ACER1: variants seen among roughly 807,000 people sequenced by gnomAD.
ACER1 encodes CTB-180A7.3.
Under a neutral mutation model 24.9 loss-of-function variants are expected in ACER1, and 28 were observed. That is an observed-to-expected ratio of 1.13 (90% CI 0.83 to 1.54). The LOEUF is 1.54. Among genes scored for constraint, ACER1 ranks in the 40% most tolerant of loss-of-function variants. ACER1 has a pLI of 0.00. For synonymous variants in ACER1, 132 were observed against 131.4 expected, an observed-to-expected ratio of 1.00 and a Z score of -0.03; for missense variants, 352 against 349.3, an observed-to-expected ratio of 1.01 and a Z score of -0.06.
chr19:6,349,442 G>GGA, the ACER1 span, among the ~76,000 whole-genome samples: 1 of 122,138 alleles, frequency 8.2e-6, no homozygotes, highest in African/African-American at 4.0e-5. Context: ...AGAAGGAAGG[G>GGA]AGGAAAGAAG....
chr19:6,351,132 T>C, the ACER1 span, among the ~76,000 whole-genome samples: 30,020 of 151,822 alleles, frequency 0.2, 4,126 homozygotes, highest in East Asian at 0.39. Context: ...TTTGGGAGGC[T>C]GAGGCGGGCG....
chr19:6,311,808 G>A (rs532180213), intron 3 of ACER1, among the ~76,000 whole-genome samples: 5 of 151,788 alleles, frequency 3.3e-5, no homozygotes, highest in East Asian at 1.9e-4. Context: ...TGCCAGGAAC[G>A]CCAGGTGAGA....
the ACER1 span, among the ~76,000 whole-genome samples, chr19:6,349,855 G>A: frequency 1.4e-4 from 21 of 152,284 alleles, 1 homozygote; most frequent in Admixed American, 5.2e-4. Context: ...TGGGGGCTGG[G>A]CATGGTGGTT....
rs775468275 is a variant in ACER1, at chr19:6,324,860, AAAGGAAGGAAGGAAGGAAGGAAGG to A, written c.93+8575_93+8598del. Among the ~76,000 whole-genome samples, 5 of 100,288 alleles carry A rather than the reference AAAGGAAGGAAGGAAGGAAGGAAGG, an allele frequency of 5.0e-5. 1 individual carries two copies. Among genetic ancestry groups the A allele is most frequent in the South Asian group, 7.5e-4 (2 of 2,678 alleles). 65.8% of individuals were successfully genotyped at this position (100,288 alleles called of 152,430 possible). On this transcript the variant is annotated intron_variant, in intron 1 of 5. Coordinates refer to ENST00000301452, the MANE Select transcript of ACER1 (RefSeq NM_133492.3). Reference sequence around the variant, plus strand: ...AGGAAGGAAGGAAAGAGAGAGAGAGAAAGGAAGGAAGGAAGGAAGGAAGGAAGGAAGGAAGGAAGGAAGGAAGGA... The same window carrying A: ...AGGAAGGAAGGAAAGAGAGAGAGAGAAAGGAAGGAAGGAAGGAAGGAAGGA...
chr19:6,324,334 G>A (rs62106619), intron 1 of ACER1, among the ~76,000 whole-genome samples: 35,740 of 148,186 alleles, frequency 0.24, 6,455 homozygotes, highest in African/African-American at 0.5. Context: ...ATGAGCCACC[G>A]CACTTGGCCT....
chr19:6,307,381 T>C, intron 4 of ACER1, 91 bp from the exon 5 acceptor site: 1 of 1,457,688 alleles, frequency 6.9e-7, no homozygotes, highest in South Asian at 1.3e-5. Context: ...GTGATGAGGC[T>C]CAGAGGTTGG....
upstream of ACER1, among the ~76,000 whole-genome samples, chr19:6,335,436 G>T (rs968733664): frequency 3.3e-5 from 5 of 151,708 alleles, no homozygotes; most frequent in African/African-American, 1.2e-4. Flanking sequence ...TATTGACCAG[G>T]CTGGCCTCAA....
intron 1 of ACER1, among the ~76,000 whole-genome samples, chr19:6,326,120 A>ATT (rs961518968): frequency 0.023 from 2,246 of 97,188 alleles, 33 homozygotes; most frequent in Non-Finnish European, 0.036. Context: ...ATGCTCAGCT[A>ATT]TTTTTTTTTT....
chr19:6,311,281 T>C (rs2091578576), intron 3 of ACER1, among the ~76,000 whole-genome samples: 1 of 151,922 alleles, frequency 6.6e-6, no homozygotes, highest in South Asian at 2.1e-4. Flanking sequence ...GAATTTCACT[T>C]GCCTGTAATC....
chr19:6,308,658 G>A (rs1319655984), intron 4 of ACER1, among the ~76,000 whole-genome samples: 4 of 152,016 alleles, frequency 2.6e-5, no homozygotes, highest in African/African-American at 9.7e-5. Context: ...AGGTATGTGT[G>A]CCTCAAGCTC....
chr19:6,336,127 G>A (rs1171122502), upstream of ACER1, among the ~76,000 whole-genome samples: 2 of 151,822 alleles, frequency 1.3e-5, no homozygotes, highest in African/African-American at 2.4e-5. Context: ...TCTCGAACTC[G>A]TGACTTCTGG....
chr19:6,311,619 A>AAGG (rs927026471), intron 3 of ACER1, among the ~76,000 whole-genome samples: 3 of 145,500 alleles, frequency 2.1e-5, no homozygotes, highest in Non-Finnish European at 3.0e-5. Context: ...GGAGAAGGAG[A>AAGG]AGGAGGAGGA....
upstream of ACER1, among the ~76,000 whole-genome samples, chr19:6,335,868 G>C (rs2091712355): frequency 6.7e-6 from 1 of 149,858 alleles, no homozygotes; most frequent in African/African-American, 2.5e-5. Context: ...AGGAACTATT[G>C]TTATCCCTTT....
chr19:6,306,486 AG>A lies in ACER1; in HGVS notation c.*227del. 1 of 494,236 alleles carries A rather than the reference AG, an allele frequency of 2.0e-6. No individual in the cohort carries two copies. The highest frequency in any genetic ancestry group is 3.6e-6 in the Non-Finnish European group (1 of 277,630). The allele number at this position is 494,236 out of a possible 1,614,324, so 30.6% of individuals were successfully genotyped here. On this transcript the variant is annotated 3_prime_UTR_variant, in exon 6 of 6. Transcript: ENST00000301452. ...TGAAAGAGGATGGGGGGGGTCATGG[AG>A]GGGAGATGCACGAGACAGCCCCCCA...
the ACER1 span, among the ~76,000 whole-genome samples, chr19:6,358,868 G>A: frequency 7.3e-5 from 11 of 150,228 alleles, no homozygotes; most frequent in African/African-American, 2.7e-4. Flanking sequence ...GGGAGGCGGA[G>A]GTTGTGGTGA....
At chr19:6,344,263 C>T in the ACER1 span, among the ~76,000 whole-genome samples, 11 of 151,334 alleles carry the variant, frequency 7.3e-5, no homozygotes, top group Non-Finnish European at 1.0e-4. Flanking sequence ...AGCGAGACTC[C>T]GTCTAAAAAT....
chr19:6,333,850 T>G (rs2091701993), upstream of ACER1, among the ~76,000 whole-genome samples: 1 of 152,094 alleles, frequency 6.6e-6, no homozygotes, highest in African/African-American at 2.4e-5. Context: ...GTGGGGGCAG[T>G]GGAGGGAACT....
intron 1 of ACER1, among the ~76,000 whole-genome samples, chr19:6,330,075 G>A (rs2091680049): frequency 6.6e-6 from 1 of 151,562 alleles, no homozygotes; most frequent in African/African-American, 2.4e-5. Context: ...GTTTCACCGT[G>A]TTAGCCAGGA....
chr19:6,329,686 A>G (rs563965331), intron 1 of ACER1, among the ~76,000 whole-genome samples: 12 of 151,956 alleles, frequency 7.9e-5, no homozygotes, highest in Non-Finnish European at 1.0e-4. Context: ...CTCAGGACAC[A>G]CTTGAATCAG....
Sources: allele counts gnomAD v4.1 joint callset (sites outside exome capture counted in the v4.1 genomes callset), GRCh38; gene constraint gnomAD v4.1.1; transcripts MANE v1.5; gene names NCBI Gene and HGNC (gene_info 2026-07-23, HGNC 2026-07-21).